The following PTPRM variants were observed in gnomAD, a reference collection of about 807,000 sequenced individuals.
PTPRM encodes the protein protein tyrosine phosphatase receptor type M, also known as receptor-type tyrosine-protein phosphatase mu.
Under a neutral mutation model 186.7 loss-of-function variants are expected in PTPRM, and 47 were observed. The ratio of observed to expected loss-of-function variants is 0.25; its 90% CI spans 0.20 to 0.32. PTPRM has a LOEUF of 0.32. Among genes scored for constraint, PTPRM ranks in the 10% least tolerant of loss-of-function variants. The pLI is 1.00. For synonymous variants in PTPRM, 668 were observed against 674.9 expected, an observed-to-expected ratio of 0.99 and a Z score of 0.16; for missense variants, 1,494 against 1,865.0, an observed-to-expected ratio of 0.80 and a Z score of 3.66.
At chr18:8,162,050 G>A (rs1385790267) in intron 14 of PTPRM, among the ~76,000 whole-genome samples, 1 of 151,648 alleles carries the variant, frequency 6.6e-6, no homozygotes, top group Non-Finnish European at 1.5e-5. Context: ...AGCAATATCT[G>A]TTAGAATACT....
chr18:7,635,271 A>G (rs1032818117), intron 1 of PTPRM, among the ~76,000 whole-genome samples: 34 of 152,196 alleles, frequency 2.2e-4, no homozygotes, highest in Non-Finnish European at 4.1e-4. Context: ...ATATTTTTAT[A>G]TTTAAAATGC....
At chr18:7,984,911 AAT>A (rs1267214072) in intron 7 of PTPRM, among the ~76,000 whole-genome samples, 1 of 119,970 alleles carries the variant, frequency 8.3e-6, no homozygotes, top group East Asian at 2.2e-4. Context: ...ATATACATAT[AAT>A]TATATATACA....
chr18:7,795,750 C>G (rs2043597238), intron 2 of PTPRM, among the ~76,000 whole-genome samples: 1 of 151,206 alleles, frequency 6.6e-6, no homozygotes, highest in Admixed American at 6.6e-5. Flanking sequence ...TTGTATCACA[C>G]AAAGTTTTGT....
chr18:8,218,487 T>G (rs1052737129), intron 14 of PTPRM, among the ~76,000 whole-genome samples: 5 of 152,142 alleles, frequency 3.3e-5, no homozygotes, highest in Non-Finnish European at 5.9e-5. Context: ...ATAAGCAAGA[T>G]GAATGGGGAG....
At chr18:7,797,058 C>G (rs2043698588) in intron 2 of PTPRM, among the ~76,000 whole-genome samples, 1 of 152,194 alleles carries the variant, frequency 6.6e-6, no homozygotes, top group Admixed American at 6.5e-5. Context: ...ATGACAGACT[C>G]AGCTCCACTC....
chr18:8,211,614 A>G (rs2094007560), intron 14 of PTPRM, among the ~76,000 whole-genome samples: 1 of 151,886 alleles, frequency 6.6e-6, no homozygotes, highest in Admixed American at 6.6e-5. Context: ...CATGTTAGCC[A>G]GGCTGGTCTC....
chr18:7,627,680 A>C (rs2038093878), intron 1 of PTPRM, among the ~76,000 whole-genome samples: 1 of 152,242 alleles, frequency 6.6e-6, no homozygotes, highest in Non-Finnish European at 1.5e-5. Flanking sequence ...CACCAGAGGC[A>C]TGGGAGTTGA....
chr18:8,294,249 C>G (rs9958779), intron 19 of PTPRM, among the ~76,000 whole-genome samples: 18,780 of 152,010 alleles, frequency 0.12, 1,713 homozygotes, highest in African/African-American at 0.26. Context: ...GAGACTCTGT[C>G]TCAAATTAAA....
At chr18:8,399,272 C>T (rs1244678021) in intron 32 of PTPRM, among the ~76,000 whole-genome samples, 1 of 152,144 alleles carries the variant, frequency 6.6e-6, no homozygotes, top group Non-Finnish European at 1.5e-5. Flanking sequence ...TCAGGAAAAC[C>T]GGGTCGCTTC....
At chr18:7,868,119 G>C (rs549020870) in intron 2 of PTPRM, among the ~76,000 whole-genome samples, 7 of 152,056 alleles carry the variant, frequency 4.6e-5, no homozygotes, top group African/African-American at 1.4e-4. Flanking sequence ...AAAGTACTTA[G>C]CTTCCTTGAC....
chr18:8,219,334 G>A (rs1453835665), intron 14 of PTPRM, among the ~76,000 whole-genome samples: 1 of 152,052 alleles, frequency 6.6e-6, no homozygotes, highest in African/African-American at 2.4e-5. Context: ...GGGCGTGGTG[G>A]AGGACGCCTG....
chr18:7,677,774 A>C (rs1222225885), intron 1 of PTPRM, among the ~76,000 whole-genome samples: 1 of 152,068 alleles, frequency 6.6e-6, no homozygotes, highest in Non-Finnish European at 1.5e-5. Flanking sequence ...ATCTCTGCCT[A>C]AATGCTGCCT....
chr18:7,796,187 A>G (rs147195557), intron 2 of PTPRM, among the ~76,000 whole-genome samples: 52 of 152,060 alleles, frequency 3.4e-4, no homozygotes, highest in African/African-American at 1.2e-3. Context: ...TAACAAGCAG[A>G]TGATGTAAAT....
intron 7 of PTPRM, among the ~76,000 whole-genome samples, chr18:8,016,530 C>CAAAAAAAAA (rs563624187): frequency 2.9e-5 from 2 of 70,114 alleles, no homozygotes; most frequent in African/African-American, 5.1e-5. Context: ...AAGAGTCTGT[C>CAAAAAAAAA]AAAAAAAAAA....
At chr18:8,217,279 A>T (rs1401398504) in intron 14 of PTPRM, among the ~76,000 whole-genome samples, 1 of 152,030 alleles carries the variant, frequency 6.6e-6, no homozygotes, top group African/African-American at 2.4e-5. Flanking sequence ...AGTCTTGCGC[A>T]TAAGTCGGCA....
At position 8,189,599 on chromosome 18, in the gene PTPRM, G is replaced by A. The variant is rs532063050; in HGVS notation, c.2300+45820G>A. Among the ~76,000 whole-genome samples the A allele has an allele frequency of 2.0e-5, 3 of 152,348 alleles. No homozygotes were observed. The East Asian group carries it at 5.8e-4, about 29-fold the overall frequency. On this transcript the variant is annotated intron_variant, in intron 14 of 32. Coordinates refer to ENST00000580170, the MANE Select transcript of PTPRM (RefSeq NM_001105244.2). ...GCCTGAATTGGCATCCTTCAGAGCT[G>A]ATATGTGGGCTCTTTATTCGTTTAT...
intron 1 of PTPRM, among the ~76,000 whole-genome samples, chr18:7,683,731 A>C (rs2039532090): frequency 6.6e-6 from 1 of 152,216 alleles, no homozygotes; most frequent in African/African-American, 2.4e-5. Flanking sequence ...AAATTAAAAC[A>C]ACACTCACTT....
intron 23 of PTPRM, among the ~76,000 whole-genome samples, chr18:8,363,668 C>T (rs535238338): frequency 6.6e-6 from 1 of 152,304 alleles, no homozygotes; most frequent in African/African-American, 2.4e-5. Context: ...AAAAGTCAAG[C>T]TGAACCTCTT....
At chr18:7,740,819 G>C (rs1026032840) in intron 1 of PTPRM, among the ~76,000 whole-genome samples, 3 of 152,208 alleles carry the variant, frequency 2.0e-5, no homozygotes, top group African/African-American at 7.2e-5. Flanking sequence ...ATTGATTAGT[G>C]ATATGGCTAT....
Sources: allele counts gnomAD v4.1 joint callset (sites outside exome capture counted in the v4.1 genomes callset), GRCh38; gene constraint gnomAD v4.1.1; transcripts MANE v1.5; gene names NCBI Gene and HGNC (gene_info 2026-07-23, HGNC 2026-07-21).